Variants in CRPPA observed in about 807,000 individuals in gnomAD.
CRPPA encodes the protein D-ribitol-5-phosphate cytidylyltransferase.
A neutral mutation model predicts 52.0 loss-of-function variants in CRPPA; 43 were observed. That is an observed-to-expected ratio of 0.83 (90% CI 0.65 to 1.07). The LOEUF (loss-of-function observed/expected upper bound fraction) is 1.07. Among genes scored for constraint, CRPPA ranks in the 50% least tolerant of loss-of-function variants. The pLI is 0.00. For missense variants in CRPPA, 629 were observed against 551.7 expected, an observed-to-expected ratio of 1.14 and a Z score of -1.40; for synonymous variants, 250 against 203.5, an observed-to-expected ratio of 1.23 and a Z score of -1.94.
At chr7:16,324,950 T>C (rs1163268854) in intron 3 of CRPPA, among the ~76,000 whole-genome samples, 3 of 152,246 alleles carry the variant, frequency 2.0e-5, no homozygotes, top group Admixed American at 1.3e-4. Flanking sequence ...TGACAATTCC[T>C]GCTAAGGATG....
chr7:16,222,783 T>G (rs1327332456), intron 8 of CRPPA, among the ~76,000 whole-genome samples: 1 of 152,186 alleles, frequency 6.6e-6, no homozygotes, highest in Non-Finnish European at 1.5e-5. Flanking sequence ...AGTATTCTAC[T>G]GATCATTTTT....
At chr7:16,149,366 C>CAG (rs971004779) in intron 9 of CRPPA, among the ~76,000 whole-genome samples, 9 of 152,158 alleles carry the variant, frequency 5.9e-5, no homozygotes, top group Non-Finnish European at 1.3e-4. Context: ...CATGGAAAGA[C>CAG]AGACCAATTC....
intron 9 of CRPPA, among the ~76,000 whole-genome samples, chr7:16,209,971 T>C (rs1562558444): frequency 6.6e-6 from 1 of 152,176 alleles, no homozygotes; most frequent in Non-Finnish European, 1.5e-5. Context: ...TCCCTCTCTT[T>C]AATAAAAATT....
At position 16,241,970 on chromosome 7, in the gene CRPPA, T is replaced by TTTTTTTTTTTTTTG. The variant is rs1241010922; in HGVS notation, c.1119+16419_1119+16420insCAAAAAAAAAAAAA. On this transcript the variant is annotated intron_variant, in intron 8 of 9. Coordinates refer to ENST00000407010, the MANE Select transcript of CRPPA (RefSeq NM_001101426.4). ...TCTTTTTTTTTTTTTTTTTTTTTTG[T>TTTTTTTTTTTTTTG]TGGGGGGAGATAGAGTCTCGCTCTG... Among the ~76,000 whole-genome samples, 6 of 104,896 alleles carry TTTTTTTTTTTTTTG rather than the reference T, an allele frequency of 5.7e-5. 1 individual carries two copies. The highest frequency in any genetic ancestry group is 1.1e-4 in the Non-Finnish European group (6 of 53,622). 68.8% of individuals were successfully genotyped at this position (104,896 alleles called of 152,430 possible).
At chr7:16,242,720 A>G (rs1385206242) in intron 8 of CRPPA, among the ~76,000 whole-genome samples, 1 of 152,212 alleles carries the variant, frequency 6.6e-6, no homozygotes, top group African/African-American at 2.4e-5. Context: ...TTCTTAAGAC[A>G]TAAGGGATCT....
intron 3 of CRPPA, among the ~76,000 whole-genome samples, chr7:16,329,671 A>G (rs1000095270): frequency 4.6e-5 from 7 of 152,236 alleles, no homozygotes; most frequent in African/African-American, 7.2e-5. Context: ...TGCAGTTACA[A>G]TACAAACACG....
intron 9 of CRPPA, among the ~76,000 whole-genome samples, chr7:16,100,481 C>A (rs1782022518): frequency 6.6e-6 from 1 of 152,140 alleles, no homozygotes; most frequent in Non-Finnish European, 1.5e-5. Flanking sequence ...GAATAATTGG[C>A]TAATTAACTC....
intron 9 of CRPPA, among the ~76,000 whole-genome samples, chr7:16,132,077 C>A (rs1487448534): frequency 6.6e-6 from 1 of 152,094 alleles, no homozygotes; most frequent in Non-Finnish European, 1.5e-5. Context: ...CTTGGGGAAC[C>A]ACCTCCTGCC....
At chr7:16,196,863 C>T (rs1282638171) in intron 9 of CRPPA, among the ~76,000 whole-genome samples, 2 of 152,044 alleles carry the variant, frequency 1.3e-5, no homozygotes, top group African/African-American at 4.8e-5. Context: ...GTTTTGCTGC[C>T]GTTTCCATAC....
intron 3 of CRPPA, among the ~76,000 whole-genome samples, chr7:16,336,364 GGAGA>G (rs1785680139): frequency 6.6e-6 from 1 of 151,986 alleles, no homozygotes; most frequent in Admixed American, 6.6e-5. Flanking sequence ...TAAGAGAAAG[GGAGA>G]GTGAACGCAC....
chr7:16,375,966 TA>T (rs1786869101), intron 3 of CRPPA, 125 bp downstream of exon 3: 10 of 876,532 alleles, frequency 1.1e-5, no homozygotes, highest in Non-Finnish European at 1.7e-5. Flanking sequence ...TACTTCATTG[TA>T]ATAAGTCTTA....
At chr7:16,111,446 T>C (rs1004109686) in intron 9 of CRPPA, among the ~76,000 whole-genome samples, 1 of 152,116 alleles carries the variant, frequency 6.6e-6, no homozygotes, top group African/African-American at 2.4e-5. Flanking sequence ...TTAAAATCAG[T>C]TTTTCAAAGA....
chr7:16,303,477 T>TAAAAAAAAAAAAAAAAAAA lies in CRPPA; in HGVS notation c.790-2030_790-2012dup, dbSNP rs545663821. 1.4e-3 allele frequency among the ~76,000 whole-genome samples: 62 copies of TAAAAAAAAAAAAAAAAAAA among 44,972 alleles called. 7 individuals are homozygous for TAAAAAAAAAAAAAAAAAAA. The highest frequency in any genetic ancestry group is 3.1e-3 in the African/African-American group (37 of 12,078). 29.5% of individuals were successfully genotyped at this position (44,972 alleles called of 152,430 possible). ...GTTTCTGTGTTGAGACATAAAATAG[T>TAAAAAAAAAAAAAAAAAAA]AAAAAAAAAAAAAAAAAAAAAAAAA... On this transcript the variant is annotated intron_variant, in intron 4 of 9. Transcript: ENST00000407010.
intron 1 of CRPPA, among the ~76,000 whole-genome samples, chr7:16,418,344 A>G (rs538419317): frequency 6.6e-6 from 1 of 152,228 alleles, no homozygotes; most frequent in Non-Finnish European, 1.5e-5. Flanking sequence ...TGCTGTTATC[A>G]GTTAAGTAAA....
intron 1 of CRPPA, among the ~76,000 whole-genome samples, chr7:16,420,387 C>T (rs959822392): frequency 7.9e-5 from 12 of 152,040 alleles, no homozygotes; most frequent in African/African-American, 2.7e-4. Flanking sequence ...TATAACATAC[C>T]CCTTCATTTC....
rs376232862 is a variant in CRPPA, at chr7:16,376,080, C to T, written c.684+12G>A. ...CATAACAGCAGCTTATTCAAAAAGC[C>T]CAAATTCTTACCTGCTGATATGCTT... On this transcript the variant is annotated intron_variant, in intron 3 of 9. Coordinates refer to ENST00000407010, the MANE Select transcript of CRPPA (RefSeq NM_001101426.4). 2.6e-6 allele frequency: 4 copies of T among 1,557,234 alleles called. No individual in the cohort carries two copies. In the African/African-American group the frequency reaches 5.5e-5, roughly 21 times the overall value.
intron 9 of CRPPA, among the ~76,000 whole-genome samples, chr7:16,120,611 C>A (rs944871193): frequency 6.6e-6 from 1 of 152,116 alleles, no homozygotes; most frequent in Admixed American, 6.5e-5. Flanking sequence ...ACTGGCTCCT[C>A]GTCTTGTTCC....
intron 2 of CRPPA, among the ~76,000 whole-genome samples, chr7:16,400,166 T>G (rs1047373992): frequency 6.6e-6 from 1 of 152,120 alleles, no homozygotes; most frequent in Admixed American, 6.5e-5. Context: ...ATTGACGTGA[T>G]GACACGTTTG....
intron 9 of CRPPA, among the ~76,000 whole-genome samples, chr7:16,129,871 A>T (rs1782649604): frequency 6.6e-6 from 1 of 152,212 alleles, no homozygotes; most frequent in Admixed American, 6.5e-5. Context: ...TATAATGACC[A>T]GAAAAGACAT....
Sources: allele counts gnomAD v4.1 joint callset (sites outside exome capture counted in the v4.1 genomes callset), GRCh38; gene constraint gnomAD v4.1.1; transcripts MANE v1.5; gene names NCBI Gene and HGNC (gene_info 2026-07-23, HGNC 2026-07-21).